Variants in DHX36 observed in about 807,000 individuals in gnomAD.
DHX36 encodes the protein ATP-dependent DNA/RNA helicase DHX36.
A neutral mutation model predicts 139.0 loss-of-function variants in DHX36; 50 were observed. The observed-to-expected ratio is 0.36, with a 90% CI of 0.29 to 0.46. The LOEUF is 0.46. Ranked by LOEUF, DHX36 falls within the 20% of genes least tolerant of loss-of-function variation. DHX36 has a pLI of 1.00. For synonymous variants in DHX36, 425 were observed against 401.9 expected, an observed-to-expected ratio of 1.06 and a Z score of -0.69; for missense variants, 1,024 against 1,211.3, an observed-to-expected ratio of 0.85 and a Z score of 2.29.
At chr3:154,282,184 G>A (rs1194867865) in intron 20 of DHX36, among the ~76,000 whole-genome samples, 2 of 152,080 alleles carry the variant, frequency 1.3e-5, no homozygotes, top group African/African-American at 4.8e-5. Context: ...CAATTACACA[G>A]GATTTGTATG....
intron 1 of DHX36, 76 bp downstream of exon 1, chr3:154,324,098 C>T: frequency 6.8e-7 from 1 of 1,473,102 alleles, no homozygotes; most frequent in Non-Finnish European, 9.2e-7. Flanking sequence ...GAAACAAAAC[C>T]AAGAAAAAGG....
In DHX36 at chr3:154,276,346, T is replaced by C; in HGVS notation, c.2852A>G (p.Lys951Arg). 2 of 1,610,568 alleles carry C rather than the reference T, an allele frequency of 1.2e-6. No individual in the cohort carries two copies. Among genetic ancestry groups the C allele is most frequent in the Middle Eastern group, 1.7e-4 (1 of 6,054 alleles). The change falls in exon 25 of 25, where the codon AAG becomes AGG. Residue 951 changes from lysine (K) to arginine (R), a missense_variant. Coordinates refer to ENST00000496811, the MANE Select transcript of DHX36 (RefSeq NM_020865.3). ...CTCTTGCAGAAGAATATCTAGTTCCTTTCTTAATTCCTAAGGTTGGAAAAA... is the reference window on the plus strand; with the variant it reads ...CTCTTGCAGAAGAATATCTAGTTCCCTTCTTAATTCCTAAGGTTGGAAAAA... Reference protein sequence around the residue: ...RIAHLVKELRKELDILLQEKI... With the variant: ...RIAHLVKELRRELDILLQEKI...
In DHX36 at chr3:154,311,621, A is replaced by G; in HGVS notation, c.642+15T>C. ...ATTTGCAAATCAAATTAAATAGTGG[A>G]AAAAAGCACTTTACCTTTTGCATTC... is the stretch of plus-strand genomic sequence containing the variant. On this transcript the variant is annotated intron_variant, in intron 4 of 24. Transcript: ENST00000496811. 6.3e-7 allele frequency: 1 copy of G among 1,591,420 alleles called. No individual in the cohort carries two copies. The highest frequency in any genetic ancestry group is 1.2e-5 in the South Asian group (1 of 85,874).
chr3:154,294,522 A>G (rs969463006), intron 13 of DHX36, among the ~76,000 whole-genome samples: 7 of 152,220 alleles, frequency 4.6e-5, no homozygotes, highest in African/African-American at 1.7e-4. Context: ...TGGAAGATGA[A>G]TACTTCCATG....
At chr3:154,319,591 T>C (rs1218230356) in intron 1 of DHX36, among the ~76,000 whole-genome samples, 1 of 152,190 alleles carries the variant, frequency 6.6e-6, no homozygotes, top group Non-Finnish European at 1.5e-5. Context: ...TGCAGTCCAG[T>C]TCCTTTCATG....
At chr3:154,309,072 C>T (rs1419372059) in intron 5 of DHX36, among the ~76,000 whole-genome samples, 1 of 151,998 alleles carries the variant, frequency 6.6e-6, no homozygotes, top group East Asian at 1.9e-4. Flanking sequence ...CCTATAGTAC[C>T]ACCTACTTGG....
At chr3:154,278,401 C>A (rs1719223368) in intron 22 of DHX36, 2 of 151,674 alleles carry the variant, frequency 1.3e-5, no homozygotes, top group Non-Finnish European at 2.9e-5. Context: ...ATGTTAATTA[C>A]CTGTATTAAC....
At chr3:154,287,076 A>G (rs1231795499) in intron 17 of DHX36, among the ~76,000 whole-genome samples, 1 of 152,222 alleles carries the variant, frequency 6.6e-6, no homozygotes, top group African/African-American at 2.4e-5. Flanking sequence ...CAGATGAGAA[A>G]TAAGCCTAGA....
At chr3:154,296,922 A>G (rs1173108563) in intron 12 of DHX36, among the ~76,000 whole-genome samples, 2 of 152,244 alleles carry the variant, frequency 1.3e-5, no homozygotes, top group Non-Finnish European at 2.9e-5. Context: ...GAAATATTAC[A>G]ACTATAATAT....
chr3:154,309,282 C>A (rs915243045), intron 5 of DHX36, among the ~76,000 whole-genome samples: 2 of 149,744 alleles, frequency 1.3e-5, no homozygotes, highest in African/African-American at 2.5e-5. Context: ...TATTTACATA[C>A]TCAAAAAATG....
intron 1 of DHX36, among the ~76,000 whole-genome samples, chr3:154,323,435 T>C (rs543627511): frequency 1.3e-5 from 2 of 152,282 alleles, no homozygotes; most frequent in East Asian, 3.9e-4. Flanking sequence ...CTAAGAAAGT[T>C]CCTGCTTAAT....
intron 17 of DHX36, among the ~76,000 whole-genome samples, chr3:154,287,685 T>C (rs1474523166): frequency 6.6e-6 from 1 of 150,952 alleles, no homozygotes; most frequent in Non-Finnish European, 1.5e-5. Context: ...TAAAATAAAA[T>C]AAGGAATTTA....
Position 154,276,866 on chromosome 3 carries a change from A to G in DHX36, c.2722T>C (p.Tyr908His). 1 of 1,613,880 alleles carries G rather than the reference A, an allele frequency of 6.2e-7. No homozygotes were observed. The change falls in exon 24 of 25, where the codon TAC (tyrosine) becomes CAC (histidine). Residue 908 changes from tyrosine to histidine, a missense_variant. Coordinates refer to ENST00000496811, the MANE Select transcript of DHX36 (RefSeq NM_020865.3). Reference sequence around the variant, plus strand: ...TCACCTCCAAAAAACAAGAGACAGTATGGGGAAACCTCTGTGCAGTCATAC... The same window carrying G: ...TCACCTCCAAAAAACAAGAGACAGTGTGGGGAAACCTCTGTGCAGTCATAC... ...YLYDCTEVSP[Y>H]CLLFFGGDIS...
At chr3:154,293,067 T>C (rs980752766) in intron 14 of DHX36, among the ~76,000 whole-genome samples, 1 of 152,094 alleles carries the variant, frequency 6.6e-6, no homozygotes, top group African/African-American at 2.4e-5. Context: ...CAGAAAAGAA[T>C]CTGTTTCAGT....
intron 1 of DHX36, among the ~76,000 whole-genome samples, chr3:154,318,710 T>C (rs887053545): frequency 9.8e-5 from 15 of 152,318 alleles, no homozygotes; most frequent in Admixed American, 4.6e-4. Context: ...ATTAGTTGAA[T>C]TGTAGTACAC....
At chr3:154,307,435 C>T (rs190150228) in intron 5 of DHX36, among the ~76,000 whole-genome samples, 137 of 152,182 alleles carry the variant, frequency 9.0e-4, no homozygotes, top group African/African-American at 3.1e-3. Flanking sequence ...GACAAATCAT[C>T]CCCTTAAAAG....
chr3:154,276,056 T>C lies in DHX36; in HGVS notation c.*115A>G. Reference sequence around the variant, plus strand: ...TAAGTCTTTACTACCTACTGAAGGCTTCTACCTTACACATGAAAATTGTTC... The same window carrying C: ...TAAGTCTTTACTACCTACTGAAGGCCTCTACCTTACACATGAAAATTGTTC... On this transcript the variant is annotated 3_prime_UTR_variant, in exon 25 of 25. Coordinates refer to ENST00000496811, the MANE Select transcript of DHX36 (RefSeq NM_020865.3). 1.1e-6 allele frequency: 1 copy of C among 921,014 alleles called. No individual in the cohort carries two copies. The highest frequency in any genetic ancestry group is 1.6e-6 in the Non-Finnish European group (1 of 610,858). The allele number at this position is 921,014 out of a possible 1,614,324, so 57.1% of individuals were successfully genotyped here.
intron 9 of DHX36, 99 bp downstream of exon 9, chr3:154,303,230 G>A (rs1191266307): frequency 1.2e-6 from 1 of 830,050 alleles, no homozygotes; most frequent in South Asian, 1.8e-5. Flanking sequence ...TGTTTTACAA[G>A]GAAATAGTCA....
chr3:154,312,715 G>A (rs1421151020), intron 3 of DHX36, among the ~76,000 whole-genome samples: 1 of 150,646 alleles, frequency 6.6e-6, no homozygotes, highest in African/African-American at 2.4e-5. Context: ...AGTGGCACAC[G>A]CCTGTAGTCC....
Sources: gnomAD v4.1 joint callset for allele counts (sites outside exome capture counted in the v4.1 genomes callset) on GRCh38, gnomAD v4.1.1 for gene constraint, MANE v1.5 for transcripts, NCBI Gene and HGNC (gene_info 2026-07-23, HGNC 2026-07-21) for gene names.